Variants in TBC1D22A observed in about 807,000 individuals in gnomAD.
The protein encoded by TBC1D22A is TBC1 domain family member 22A, also known as putative GTPase activator.
A neutral mutation model predicts 60.2 loss-of-function variants in TBC1D22A; 38 were observed. The ratio of observed to expected loss-of-function variants is 0.63; its 90% CI spans 0.49 to 0.83. The LOEUF (loss-of-function observed/expected upper bound fraction) is 0.83. Ranked by LOEUF, TBC1D22A falls within the 40% of genes least tolerant of loss-of-function variation. The pLI, the probability that TBC1D22A is intolerant of heterozygous loss-of-function variation, is 0.00. For missense variants in TBC1D22A, 628 were observed against 701.0 expected, an observed-to-expected ratio of 0.90 and a Z score of 1.18; for synonymous variants, 302 against 281.7, an observed-to-expected ratio of 1.07 and a Z score of -0.72.
At chr22:47,055,719 G>C (rs2063370121) in intron 11 of TBC1D22A, among the ~76,000 whole-genome samples, 1 of 152,078 alleles carries the variant, frequency 6.6e-6, no homozygotes. Context: ...GGGAGGAGCT[G>C]TTCTGGCCCC....
At chr22:47,060,422 G>T (rs527371040) in intron 11 of TBC1D22A, among the ~76,000 whole-genome samples, 35 of 149,760 alleles carry the variant, frequency 2.3e-4, no homozygotes, top group South Asian at 8.5e-4. Context: ...GTTGTTTTTT[G>T]TTGTTGTTGT....
intron 11 of TBC1D22A, among the ~76,000 whole-genome samples, chr22:47,084,309 G>A (rs1423273159): frequency 6.6e-6 from 1 of 152,226 alleles, no homozygotes; most frequent in African/African-American, 2.4e-5. Context: ...TTCTTCCCGA[G>A]GTGCCACTTG....
At chr22:47,014,009 G>A (rs967090673) in intron 10 of TBC1D22A, among the ~76,000 whole-genome samples, 10 of 152,216 alleles carry the variant, frequency 6.6e-5, no homozygotes, top group Non-Finnish European at 1.5e-4. Context: ...ATCTGGGGGT[G>A]GGCGCTGGAC....
At chr22:46,878,794 A>G (rs2067701797) in intron 5 of TBC1D22A, 71 bp downstream of exon 5, 2 of 1,436,444 alleles carry the variant, frequency 1.4e-6, no homozygotes, top group East Asian at 4.6e-5. Flanking sequence ...TGGCCTGAGT[A>G]GGGCCTGACA....
intron 1 of TBC1D22A, among the ~76,000 whole-genome samples, chr22:46,776,758 C>T (rs115702839): frequency 1.2e-4 from 19 of 152,152 alleles, no homozygotes; most frequent in African/African-American, 4.3e-4. Context: ...ATATTCAAAA[C>T]GGACCCTGTG....
chr22:46,830,198 G>A (rs987354765), intron 4 of TBC1D22A, among the ~76,000 whole-genome samples: 5 of 152,254 alleles, frequency 3.3e-5, no homozygotes, highest in Admixed American at 6.5e-5. Flanking sequence ...ACGCTGAGGC[G>A]AGTGACTGGA....
chr22:47,130,272 C>T (rs2066634841), intron 12 of TBC1D22A, among the ~76,000 whole-genome samples: 1 of 152,174 alleles, frequency 6.6e-6, no homozygotes, highest in African/African-American at 2.4e-5. Context: ...CACCTCGTGT[C>T]CTCTGGGACC....
intron 11 of TBC1D22A, among the ~76,000 whole-genome samples, chr22:47,038,180 C>G (rs1180325940): frequency 6.6e-6 from 1 of 152,190 alleles, no homozygotes; most frequent in African/African-American, 2.4e-5. Context: ...GGAATCAAAT[C>G]TCTACAGAGT....
chr22:47,054,843 T>C (rs16996254), intron 11 of TBC1D22A, among the ~76,000 whole-genome samples: 2,980 of 152,276 alleles, frequency 0.02, 101 homozygotes, highest in African/African-American at 0.065. Flanking sequence ...TACTTCCCGT[T>C]GTTAACTTGT....
chr22:47,130,229 G>A (rs930113384), intron 12 of TBC1D22A, among the ~76,000 whole-genome samples: 2 of 152,188 alleles, frequency 1.3e-5, no homozygotes, highest in African/African-American at 2.4e-5. Flanking sequence ...CGGAGCGGGC[G>A]TGTCTGGAGG....
rs2083758979 is a variant in TBC1D22A at position 46,777,615 on chromosome 22, T to A, written c.62+14767T>A. Among the ~76,000 whole-genome samples, 1 of 151,964 alleles carries A rather than the reference T, an allele frequency of 6.6e-6. No homozygotes were observed. The highest frequency in any genetic ancestry group is 2.4e-5 in the African/African-American group (1 of 41,346). Reference sequence around the variant, plus strand: ...AGAGTTGGGAACACACAGAAGAGTCTGGGGCATGCAGAGAGGCTGGCAGGA... The same window carrying A: ...AGAGTTGGGAACACACAGAAGAGTCAGGGGCATGCAGAGAGGCTGGCAGGA... On this transcript the variant is annotated intron_variant, in intron 1 of 12. Coordinates refer to ENST00000337137, the MANE Select transcript of TBC1D22A (RefSeq NM_014346.5). This position sits in a 1 kb window ranked among gnomAD's most constrained non-coding sequence, Gnocchi z 4.5.
chr22:46,949,916 C>G (rs136071), intron 8 of TBC1D22A, among the ~76,000 whole-genome samples: 65,189 of 152,136 alleles, frequency 0.43, 14,789 homozygotes, highest in African/African-American at 0.59. Flanking sequence ...GCTGGAGCAG[C>G]CTGAGCAGGG....
intron 4 of TBC1D22A, among the ~76,000 whole-genome samples, chr22:46,824,235 G>A (rs994645367): frequency 6.6e-6 from 1 of 152,094 alleles, no homozygotes; most frequent in Admixed American, 6.5e-5. Context: ...TCCGTGGCTC[G>A]AGGCTCCTGT....
intron 12 of TBC1D22A, among the ~76,000 whole-genome samples, chr22:47,155,537 C>T (rs2067679129): frequency 6.6e-6 from 1 of 152,218 alleles, no homozygotes; most frequent in Non-Finnish European, 1.5e-5. Context: ...CCTGGGGATG[C>T]CCGGCCACTG....
At chr22:46,945,636 C>T (rs989646520) in intron 8 of TBC1D22A, among the ~76,000 whole-genome samples, 1 of 152,178 alleles carries the variant, frequency 6.6e-6, no homozygotes, top group Non-Finnish European at 1.5e-5. Flanking sequence ...GTCCTGGGGT[C>T]TGCATTTGTC....
At chr22:46,774,448 C>T (rs929889602) in intron 1 of TBC1D22A, among the ~76,000 whole-genome samples, 8 of 152,232 alleles carry the variant, frequency 5.3e-5, no homozygotes, top group Non-Finnish European at 1.0e-4. Context: ...AATTCCACCC[C>T]GAGTGCTGCG....
chr22:46,996,882 A>G (rs986543637), intron 9 of TBC1D22A, among the ~76,000 whole-genome samples: 23 of 151,666 alleles, frequency 1.5e-4, no homozygotes, highest in African/African-American at 5.6e-4. Context: ...TCCACATTCC[A>G]CTTGTTTGTT....
chr22:47,005,178 C>T (rs77208845), intron 10 of TBC1D22A, among the ~76,000 whole-genome samples: 2,365 of 151,788 alleles, frequency 0.016, 54 homozygotes, highest in African/African-American at 0.053. Flanking sequence ...ACTATACACA[C>T]GTGCCTATAC....
rs115720198 is a variant in TBC1D22A, at chr22:46,916,258, T to C, written c.1015+4070T>C. Among the ~76,000 whole-genome samples, 404 of 152,318 alleles carry C rather than the reference T, an allele frequency of 2.7e-3. 2 individuals carry two copies. The highest frequency in any genetic ancestry group is 9.5e-3 in the African/African-American group (394 of 41,568). On this transcript the variant is annotated intron_variant, in intron 8 of 12. Transcript: ENST00000337137. ...AGAATGTTCATCTTCAGCAGGAGGCTGGCCAGGATGTCAGAGTCAGAGAAA... is the reference window on the plus strand; with the variant it reads ...AGAATGTTCATCTTCAGCAGGAGGCCGGCCAGGATGTCAGAGTCAGAGAAA...
Sources: allele counts gnomAD v4.1 joint callset (sites outside exome capture counted in the v4.1 genomes callset), GRCh38; gene constraint gnomAD v4.1.1; non-coding constraint Gnocchi (gnomAD v3.1); transcripts MANE v1.5; gene names NCBI Gene and HGNC (gene_info 2026-07-23, HGNC 2026-07-21).